Variants in SEZ6L observed in about 807,000 individuals in gnomAD.
SEZ6L encodes seizure related 6 homolog like.
SEZ6L carries 37 observed loss-of-function variants against 106.2 expected under a neutral mutation model. That is an observed-to-expected ratio of 0.35 (90% CI 0.27 to 0.46). SEZ6L has a LOEUF of 0.46. SEZ6L is among the 20% of genes least tolerant of loss of function. The pLI is 1.00. For missense variants in SEZ6L, 1,172 were observed against 1,332.8 expected (o/e 0.88, Z 1.88); for synonymous variants, 541 against 570.4 (o/e 0.95, Z 0.73).
intron 13 of SEZ6L, among the ~76,000 whole-genome samples, chr22:26,370,536 A>G (rs1568953773): frequency 6.6e-6 from 1 of 152,308 alleles, no homozygotes; most frequent in South Asian, 2.1e-4. Flanking sequence ...AAGAAATCAG[A>G]GCTTCAAATG....
At chr22:26,239,395 C>T (rs1211506950) in intron 1 of SEZ6L, among the ~76,000 whole-genome samples, 1 of 152,220 alleles carries the variant, frequency 6.6e-6, no homozygotes, top group Non-Finnish European at 1.5e-5. Context: ...CAAGCATCAT[C>T]AGACAGGTTC....
intron 1 of SEZ6L, among the ~76,000 whole-genome samples, chr22:26,288,171 C>A (rs539068458): frequency 1.3e-5 from 2 of 152,286 alleles, no homozygotes; most frequent in Admixed American, 1.3e-4. Flanking sequence ...AAAGAGTCAC[C>A]ATCTGCTGCA....
intron 1 of SEZ6L, among the ~76,000 whole-genome samples, chr22:26,268,659 T>C (rs903073191): frequency 6.6e-6 from 1 of 152,146 alleles, no homozygotes; most frequent in African/African-American, 2.4e-5. Flanking sequence ...ATTCGGGATG[T>C]TTAATTATTT....
At chr22:26,272,775 A>T (rs1458806325) in intron 1 of SEZ6L, among the ~76,000 whole-genome samples, 1 of 152,250 alleles carries the variant, frequency 6.6e-6, no homozygotes, top group African/African-American at 2.4e-5. Flanking sequence ...TAATGTATTT[A>T]GAATGCTCTT....
intron 14 of SEZ6L, among the ~76,000 whole-genome samples, chr22:26,374,259 GTTTC>G (rs2084141187): frequency 2.2e-5 from 3 of 134,902 alleles, no homozygotes; most frequent in South Asian, 2.2e-4. Flanking sequence ...GTAATATATT[GTTTC>G]TTTTTTTTTT....
At chr22:26,351,548 G>GGTTTGTTT (rs377393332) in intron 12 of SEZ6L, 7,201 of 224,432 alleles carry the variant, frequency 0.032, 421 homozygotes, top group African/African-American at 0.13. Flanking sequence ...TTTGTTTGTT[G>GGTTTGTTT]GTTGGTTGGT....
At chr22:26,293,216 G>C (rs969235073) in intron 2 of SEZ6L, 70 bp downstream of exon 2, 24 of 1,442,912 alleles carry the variant, frequency 1.7e-5, no homozygotes, top group Non-Finnish European at 2.1e-5. Flanking sequence ...CAGGGCATGT[G>C]GGTAGAGGAA....
chr22:26,306,033 G>A lies in SEZ6L; in HGVS notation c.1403G>A (p.Ser468Asn), dbSNP rs577578861. 5 of 1,602,230 alleles carry A rather than the reference G, an allele frequency of 3.1e-6. No individual in the cohort carries two copies. In the African/African-American group the frequency reaches 4.0e-5, roughly 13 times the overall value. Residue 468 changes from serine (S) to asparagine (N), a missense_variant, in exon 6 of 17, where the codon AGT becomes AAT. Ser to Asn is a conservative substitution (Grantham distance 46). Transcript: ENST00000248933. ...NATIGRVLSP[S>N]YPENTNGSQF... ...ACCATCGGCCGCGTCCTCTCCCCAA[G>A]TTACCCTGAAAACACAAATGGGAGC...
chr22:26,309,734 A>G (rs370913183), intron 6 of SEZ6L, among the ~76,000 whole-genome samples: 241 of 152,138 alleles, frequency 1.6e-3, no homozygotes, highest in African/African-American at 5.7e-3. Flanking sequence ...ACGCGCCACC[A>G]TATCTGTCTG....
intron 1 of SEZ6L, among the ~76,000 whole-genome samples, chr22:26,225,304 C>T (rs1035442499): frequency 1.3e-5 from 2 of 152,202 alleles, no homozygotes; most frequent in African/African-American, 4.8e-5. Flanking sequence ...GCTTGCCTCC[C>T]CCTAATCAAT....
chr22:26,181,235 A>G (rs911204420), intron 1 of SEZ6L, among the ~76,000 whole-genome samples: 1 of 152,190 alleles, frequency 6.6e-6, no homozygotes, highest in African/African-American at 2.4e-5. Flanking sequence ...AGCCCTGAAT[A>G]TGGAAGTATG....
intron 1 of SEZ6L, among the ~76,000 whole-genome samples, chr22:26,182,521 A>C (rs1034151910): frequency 2.0e-5 from 3 of 152,166 alleles, no homozygotes; most frequent in Non-Finnish European, 4.4e-5. Flanking sequence ...AGAGCTTAGC[A>C]CAGTCCCTGA....
intron 1 of SEZ6L, among the ~76,000 whole-genome samples, chr22:26,260,647 G>A (rs1194671670): frequency 2.0e-5 from 3 of 152,048 alleles, no homozygotes; most frequent in African/African-American, 7.2e-5. Context: ...GGCATTTGAG[G>A]TGGTTCCATA....
At chr22:26,365,749 C>T (rs931239224) in intron 13 of SEZ6L, among the ~76,000 whole-genome samples, 183 bp downstream of exon 13, 2 of 152,034 alleles carry the variant, frequency 1.3e-5, no homozygotes, top group African/African-American at 2.4e-5. Flanking sequence ...CGGCACACAC[C>T]TGTAGTCCCA....
chr22:26,228,890 G>C (rs1346325542), intron 1 of SEZ6L, among the ~76,000 whole-genome samples: 1 of 152,184 alleles, frequency 6.6e-6, no homozygotes, highest in East Asian at 1.9e-4. Context: ...AGCAAGTGAG[G>C]CTCAAAGTTT....
At chr22:26,300,294 TCCCTCCC>T (rs1456642830) in intron 5 of SEZ6L, among the ~76,000 whole-genome samples, 2 of 152,158 alleles carry the variant, frequency 1.3e-5, no homozygotes, top group African/African-American at 2.4e-5. Context: ...CCTGATGCTA[TCCCTCCC>T]CCCTCTCCCC....
chr22:26,191,647 A>G (rs1310265021), intron 1 of SEZ6L, among the ~76,000 whole-genome samples: 2 of 152,150 alleles, frequency 1.3e-5, no homozygotes, highest in African/African-American at 4.8e-5. Flanking sequence ...GCTGGGCTTA[A>G]TATCTAGGTG....
At chr22:26,325,446 A>G (rs2082277809) in intron 9 of SEZ6L, among the ~76,000 whole-genome samples, 1 of 152,228 alleles carries the variant, frequency 6.6e-6, no homozygotes, top group Admixed American at 6.5e-5. Flanking sequence ...CAGAGAGCTG[A>G]AGGAACTTGT....
Position 26,340,459 on chromosome 22 carries a change from T to A in SEZ6L, c.2039T>A (p.Ile680Asn). The A allele has an allele frequency of 1.9e-6, 3 of 1,613,770 alleles. No individual in the cohort carries two copies. Among genetic ancestry groups the A allele is most frequent in the South Asian group, 1.1e-5 (1 of 91,006 alleles). ...IQFLNLSNSD[I>N]LTIYDGDEVM... The stretch of plus-strand genomic sequence containing the variant: ...AGCCTGAATCTGAGCAACAGTGACA[T>A]CTTGACCATCTACGATGGCGACGAG... Residue 680 changes from isoleucine (I) to asparagine (N), a missense_variant, in exon 10 of 17, where the codon ATC becomes AAC. Ile to Asn is a moderately radical substitution (Grantham distance 149). Transcript: ENST00000248933.
Sources: allele counts gnomAD v4.1 joint callset (sites outside exome capture counted in the v4.1 genomes callset), GRCh38; gene constraint gnomAD v4.1.1; transcripts MANE v1.5; gene names NCBI Gene and HGNC (gene_info 2026-07-23, HGNC 2026-07-21).